RFTN2: variants seen among roughly 807,000 people sequenced by gnomAD.
RFTN2 encodes the protein raftlin family member 2, also known as raftlin-2.
RFTN2 carries 34 observed loss-of-function variants against 52.7 expected under a neutral mutation model. The observed-to-expected ratio is 0.64, with a 90% CI of 0.49 to 0.86. RFTN2 has a LOEUF of 0.86. RFTN2 is among the 40% of genes least tolerant of loss of function. The pLI, the probability that RFTN2 is intolerant of heterozygous loss-of-function variation, is 0.00. For missense variants in RFTN2, 536 were observed against 600.1 expected (o/e 0.89, Z 1.12); for synonymous variants, 203 against 217.7 (o/e 0.93, Z 0.59).
chr2:197,615,814 T>C, intron 7 of RFTN2, 62 bp downstream of exon 7: 1 of 847,450 alleles, frequency 1.2e-6, no homozygotes, highest in South Asian at 1.5e-5. Flanking sequence ...AATTGAACTA[T>C]CTAACAGATG....
chr2:197,599,064 A>G (rs771573659), intron 7 of RFTN2, among the ~76,000 whole-genome samples: 1 of 149,790 alleles, frequency 6.7e-6, no homozygotes, highest in South Asian at 2.1e-4. Context: ...CCATTTTCCT[A>G]CCTCAGCCTC....
chr2:197,583,465 C>G (rs1559338030), intron 8 of RFTN2, among the ~76,000 whole-genome samples: 1 of 152,084 alleles, frequency 6.6e-6, no homozygotes, highest in Non-Finnish European at 1.5e-5. Flanking sequence ...CCATTCTAGT[C>G]AAATCACCCC....
intron 7 of RFTN2, 70 bp downstream of exon 7, chr2:197,615,806 T>C (rs975116393): frequency 1.5e-5 from 12 of 800,406 alleles, no homozygotes; most frequent in Admixed American, 7.4e-5. Flanking sequence ...ATTTGTTGAA[T>C]TGAACTATCT....
chr2:197,618,000 CAT>C (rs200207231), intron 5 of RFTN2, 79 bp from the exon 6 acceptor site: 12,826 of 1,174,718 alleles, frequency 0.011, 202 homozygotes, highest in African/African-American at 0.045. Flanking sequence ...TTAAATAACT[CAT>C]ATAGGAAACT....
chr2:197,644,152 T>G lies in RFTN2; in HGVS notation c.438+6A>C. ...TATCCCATGAAAAAGTGCATAAATT[T>G]AGTACCTTTTCTATCAGTTCTTTTG... On this transcript the variant is annotated splice_donor_region_variant and intron_variant, in intron 3 of 8. Transcript: ENST00000295049. 6.6e-7 allele frequency: 1 copy of G among 1,513,578 alleles called. No individual in the cohort carries two copies. Among genetic ancestry groups the G allele is most frequent in the Non-Finnish European group, 9.2e-7 (1 of 1,088,454 alleles). 93.8% of individuals were successfully genotyped at this position (1,513,578 alleles called of 1,614,324 possible). A position where few individuals can be genotyped will look rare whatever the true frequency, so the allele number is the denominator to read the frequency against.
At chr2:197,574,259 C>A (rs1366764928) in intron 8 of RFTN2, among the ~76,000 whole-genome samples, 1 of 152,190 alleles carries the variant, frequency 6.6e-6, no homozygotes, top group Admixed American at 6.5e-5. Context: ...GCCACAGGGG[C>A]AAAGCTACCC....
intron 7 of RFTN2, among the ~76,000 whole-genome samples, chr2:197,597,914 CA>C (rs1268575778): frequency 6.6e-6 from 1 of 152,166 alleles, no homozygotes; most frequent in Non-Finnish European, 1.5e-5. Context: ...AGAAGGAACA[CA>C]ACAACTGTGA....
chr2:197,597,718 A>G (rs2087815013), intron 7 of RFTN2, among the ~76,000 whole-genome samples: 1 of 151,960 alleles, frequency 6.6e-6, no homozygotes, highest in Non-Finnish European at 1.5e-5. Flanking sequence ...GGGTTTCTCC[A>G]TGTTGGTCAG....
At chr2:197,578,586 G>A (rs2087456214) in intron 8 of RFTN2, among the ~76,000 whole-genome samples, 1 of 151,970 alleles carries the variant, frequency 6.6e-6, no homozygotes, top group South Asian at 2.1e-4. Flanking sequence ...CCCCAGCCCT[G>A]CCCGCCAGAG....
intron 8 of RFTN2, among the ~76,000 whole-genome samples, chr2:197,583,470 C>T (rs973052964): frequency 6.6e-6 from 1 of 152,126 alleles, no homozygotes; most frequent in African/African-American, 2.4e-5. Flanking sequence ...CTAGTCAAAT[C>T]ACCCCAGCAG....
intron 8 of RFTN2, among the ~76,000 whole-genome samples, chr2:197,572,860 A>G (rs548267290): frequency 1.4e-3 from 207 of 152,240 alleles, no homozygotes; most frequent in African/African-American, 4.3e-3. Flanking sequence ...TATCCCATGA[A>G]TAAGTATCAT....
chr2:197,659,432 G>A (rs959700416), intron 1 of RFTN2, among the ~76,000 whole-genome samples: 9 of 146,356 alleles, frequency 6.1e-5, no homozygotes, highest in Non-Finnish European at 8.9e-5. Context: ...AGCCGAGACC[G>A]TGCTGCTGCA....
intron 7 of RFTN2, among the ~76,000 whole-genome samples, chr2:197,608,767 T>C (rs979117973): frequency 1.3e-5 from 2 of 152,038 alleles, no homozygotes; most frequent in African/African-American, 2.4e-5. Flanking sequence ...TTTCTCCTAA[T>C]GCTATCCCTC....
chr2:197,598,351 C>G (rs2106190263), intron 7 of RFTN2, among the ~76,000 whole-genome samples: 1 of 152,042 alleles, frequency 6.6e-6, no homozygotes, highest in Non-Finnish European at 1.5e-5. Flanking sequence ...AAAAGAAAAA[C>G]AAATTCAAGG....
intron 1 of RFTN2, among the ~76,000 whole-genome samples, chr2:197,666,374 C>T (rs189332788): frequency 6.6e-6 from 1 of 152,338 alleles, no homozygotes; most frequent in East Asian, 1.9e-4. Context: ...CTGTGCCCAG[C>T]CCTATTTCTC....
intron 1 of RFTN2, among the ~76,000 whole-genome samples, chr2:197,669,895 C>T (rs532345000): frequency 6.6e-6 from 1 of 152,290 alleles, no homozygotes; most frequent in South Asian, 2.1e-4. Flanking sequence ...CTGTCCCCTC[C>T]GTAATACCCT....
At position 197,569,043 on chromosome 2, in the gene RFTN2, C is replaced by T. The variant is rs2106151901; in HGVS notation, c.*2965G>A. ...TTTACTGAAATGAATTGTAATGACACTGATAGAGCTGATTTCCCTGGTGAT... is the reference window on the plus strand; with the variant it reads ...TTTACTGAAATGAATTGTAATGACATTGATAGAGCTGATTTCCCTGGTGAT... On this transcript the variant is annotated 3_prime_UTR_variant, in exon 9 of 9. Coordinates refer to ENST00000295049, the MANE Select transcript of RFTN2 (RefSeq NM_144629.3). 1 of 152,280 alleles carries T rather than the reference C, an allele frequency of 6.6e-6. No individual in the cohort carries two copies. Among genetic ancestry groups the T allele is most frequent in the Middle Eastern group, 3.4e-3 (1 of 294 alleles). The allele number at this position is 152,280 out of a possible 1,614,324, so 9.4% of individuals were successfully genotyped here. A position where few individuals can be genotyped will look rare whatever the true frequency, so the allele number is the denominator to read the frequency against.
At chr2:197,658,172 A>T (rs1360125238) in intron 1 of RFTN2, among the ~76,000 whole-genome samples, 2 of 117,764 alleles carry the variant, frequency 1.7e-5, no homozygotes, top group African/African-American at 6.8e-5. Flanking sequence ...GACTATTTTT[A>T]AAAAATATTT....
intron 1 of RFTN2, among the ~76,000 whole-genome samples, chr2:197,657,081 A>G (rs953053223): frequency 6.6e-6 from 1 of 152,032 alleles, no homozygotes; most frequent in Admixed American, 6.6e-5. Flanking sequence ...CCAGGCTTGT[A>G]CTGAACTCCT....
Sources: gnomAD v4.1 joint callset for allele counts (sites outside exome capture counted in the v4.1 genomes callset) on GRCh38, gnomAD v4.1.1 for gene constraint, MANE v1.5 for transcripts, NCBI Gene and HGNC (gene_info 2026-07-23, HGNC 2026-07-21) for gene names.